Variants in NDUFA9 observed in about 807,000 individuals in gnomAD.
NDUFA9 encodes NADH:ubiquinone oxidoreductase subunit A9, also known as NADH dehydrogenase [ubiquinone] 1 alpha subcomplex subunit 9, mitochondrial.
Under a neutral mutation model 45.9 loss-of-function variants are expected in NDUFA9, and 23 were observed. The ratio of observed to expected loss-of-function variants is 0.50; its 90% CI spans 0.36 to 0.71. The LOEUF (loss-of-function observed/expected upper bound fraction) is 0.71, where lower values mean the gene tolerates loss of function less well. Among genes scored for constraint, NDUFA9 ranks in the 30% least tolerant of loss-of-function variants. NDUFA9 has a pLI of 0.00. For missense variants in NDUFA9, 466 were observed against 488.2 expected (o/e 0.95, Z 0.43); for synonymous variants, 176 against 170.5 (o/e 1.03, Z -0.25).
intron 8 of NDUFA9, among the ~76,000 whole-genome samples, chr12:4,679,932 G>A (rs1324940831): frequency 1.3e-5 from 2 of 152,196 alleles, no homozygotes; most frequent in Admixed American, 6.5e-5. Flanking sequence ...GGAATTGAGA[G>A]GAGTTGGATA....
intron 4 of NDUFA9, 63 bp from the exon 5 acceptor site, chr12:4,658,973 C>T (rs373370011): frequency 5.0e-5 from 73 of 1,471,910 alleles, no homozygotes; most frequent in African/African-American, 2.4e-4. Context: ...CATCTTATCA[C>T]GTAAAGCTTT....
chr12:4,668,804 T>C (rs781708785), intron 7 of NDUFA9: 5 of 387,968 alleles, frequency 1.3e-5, no homozygotes, highest in Non-Finnish European at 2.4e-5. Context: ...CACAAATTGC[T>C]GTTCTCAAAT....
chr12:4,668,972 C>T (rs1353993604), intron 7 of NDUFA9, among the ~76,000 whole-genome samples: 2 of 152,112 alleles, frequency 1.3e-5, no homozygotes, highest in Non-Finnish European at 2.9e-5. Context: ...TTAAAGATGA[C>T]TAAAGGTAAG....
chr12:4,667,193 G>T (rs1945857987), intron 6 of NDUFA9, among the ~76,000 whole-genome samples: 1 of 152,154 alleles, frequency 6.6e-6, no homozygotes, highest in African/African-American at 2.4e-5. Context: ...GAGCAAGCTA[G>T]CTGAATGCTT....
intron 1 of NDUFA9, among the ~76,000 whole-genome samples, chr12:4,649,704 G>A (rs1945744362): frequency 1.3e-5 from 2 of 152,164 alleles, no homozygotes; most frequent in South Asian, 2.1e-4. Flanking sequence ...ACCCAAAAGC[G>A]TCTCTACGGA....
intron 7 of NDUFA9, 116 bp from the exon 8 acceptor site, chr12:4,669,625 C>T (rs1460266275): frequency 6.1e-6 from 4 of 658,030 alleles, no homozygotes; most frequent in South Asian, 4.1e-5. Flanking sequence ...GGCCTTCCTC[C>T]TTTCTCCTTC....
chr12:4,670,284 C>T (rs1945878577), intron 8 of NDUFA9, among the ~76,000 whole-genome samples: 1 of 152,096 alleles, frequency 6.6e-6, no homozygotes, highest in Admixed American at 6.5e-5. Context: ...CTAAAATTTG[C>T]TTTCAGAAAA....
intron 5 of NDUFA9, among the ~76,000 whole-genome samples, chr12:4,659,604 A>T (rs1239474421): frequency 1.3e-5 from 2 of 152,152 alleles, no homozygotes; most frequent in African/African-American, 4.8e-5. Context: ...AATGACAGGG[A>T]TTAATATTTG....
chr12:4,673,834 C>G (rs1222553251), intron 8 of NDUFA9, among the ~76,000 whole-genome samples: 1 of 152,158 alleles, frequency 6.6e-6, no homozygotes, highest in Non-Finnish European at 1.5e-5. Flanking sequence ...AAAGATACTC[C>G]TCGAGAAGAG....
Position 4,668,456 on chromosome 12 carries a change from G to A in NDUFA9, c.656-1G>A. The A allele has an allele frequency of 6.2e-7, 1 of 1,612,646 alleles. No homozygotes were observed. On this transcript the variant is annotated splice_acceptor_variant, in intron 6 of 10. Coordinates refer to ENST00000266544, the MANE Select transcript of NDUFA9 (RefSeq NM_005002.5). LOFTEE classifies it high-confidence loss of function. ...ATAGTTCTCATTCTTTCTTCCGCTA[G>A]GTATGCATCGGTTTGGTCCTATACC... is the stretch of plus-strand genomic sequence containing the variant.
intron 6 of NDUFA9, among the ~76,000 whole-genome samples, chr12:4,665,237 ACT>A (rs1372638394): frequency 5.9e-5 from 9 of 151,458 alleles, no homozygotes; most frequent in African/African-American, 1.9e-4. Flanking sequence ...CCCTTAAACA[ACT>A]CTCTGTTCCC....
rs1405357420 is a variant in NDUFA9, at chr12:4,677,035, A to C, written c.801-5170A>C. ...ATCTGATCTTTGACAAATCTGACAA[A>C]AACAAGCAATGAGGAAATGATTCTC... On this transcript the variant is annotated intron_variant, in intron 8 of 10. Transcript: ENST00000266544. Among the ~76,000 whole-genome samples, 5 of 152,238 alleles carry C rather than the reference A, an allele frequency of 3.3e-5. No individual in the cohort carries two copies. The East Asian group carries it at 9.6e-4, about 29-fold the overall frequency.
At chr12:4,668,387 A>G (rs1454298051) in intron 6 of NDUFA9, 70 bp from the exon 7 acceptor site, 3 of 1,228,432 alleles carry the variant, frequency 2.4e-6, no homozygotes, top group Non-Finnish European at 3.6e-6. Context: ...AATTATGTTA[A>G]TCTTAAGACT....
At position 4,691,183 on chromosome 12, in the gene NDUFA9, A is replaced by C. The variant is rs774766318; in HGVS notation, c.*4075A>C. 1 of 152,226 alleles carries C rather than the reference A, an allele frequency of 6.6e-6. No individual in the cohort carries two copies. Among genetic ancestry groups the C allele is most frequent in the Non-Finnish European group, 1.5e-5 (1 of 68,042 alleles). The allele number at this position is 152,226 out of a possible 1,614,324, so 9.4% of individuals were successfully genotyped here. On this transcript the variant is annotated 3_prime_UTR_variant, in exon 11 of 11. Transcript: ENST00000266544. The stretch of plus-strand genomic sequence containing the variant: ...AAATGGGGGTGATAGTAATAACTAC[A>C]TGATGGGATAGTGATGAGGAATTAA...
intron 1 of NDUFA9, among the ~76,000 whole-genome samples, chr12:4,651,428 CTG>C (rs977455403): frequency 6.6e-6 from 1 of 151,988 alleles, no homozygotes; most frequent in Non-Finnish European, 1.5e-5. Flanking sequence ...ACCCTTTAAA[CTG>C]TGAGCTTCAT....
intron 8 of NDUFA9, among the ~76,000 whole-genome samples, chr12:4,676,796 A>G (rs987161839): frequency 6.6e-6 from 1 of 152,144 alleles, no homozygotes; most frequent in South Asian, 2.1e-4. Context: ...TTGGAAAAAT[A>G]CTACTTTAAA....
At chr12:4,657,882 T>C in intron 4 of NDUFA9, 43 bp downstream of exon 4, 1 of 1,465,912 alleles carries the variant, frequency 6.8e-7, no homozygotes, top group South Asian at 1.1e-5. Context: ...AAGTCTTTCT[T>C]AGGGTTTAAT....
intron 7 of NDUFA9, chr12:4,668,742 A>C: frequency 1.9e-6 from 1 of 540,282 alleles, no homozygotes; most frequent in Non-Finnish European, 3.3e-6. Flanking sequence ...TGTGCTAGAC[A>C]CATCATACAT....
In NDUFA9 at chr12:4,693,849, A is replaced by G. The variant is rs1458596515; in HGVS notation, c.*6741A>G. On this transcript the variant is annotated 3_prime_UTR_variant, in exon 11 of 11. Coordinates refer to ENST00000266544, the MANE Select transcript of NDUFA9 (RefSeq NM_005002.5). ...AAGGAATCGTAAGGGAATCGAGATT[A>G]TCTAGTTTCCCCTCGACATTTTATA... 1 of 152,264 alleles carries G rather than the reference A, an allele frequency of 6.6e-6. No individual in the cohort carries two copies. The highest frequency in any genetic ancestry group is 1.5e-5 in the Non-Finnish European group (1 of 68,052). The allele number at this position is 152,264 out of a possible 1,614,324, so 9.4% of individuals were successfully genotyped here.
Sources: allele counts gnomAD v4.1 joint callset (sites outside exome capture counted in the v4.1 genomes callset), GRCh38; gene constraint gnomAD v4.1.1; transcripts MANE v1.5; gene names NCBI Gene and HGNC (gene_info 2026-07-23, HGNC 2026-07-21).